GALNT17: variants seen among roughly 807,000 people sequenced by gnomAD.
The protein encoded by GALNT17 is UDP-GalNAc:polypeptide N-acetylgalactosaminyltransferase-like 3.
Under a neutral mutation model 63.7 loss-of-function variants are expected in GALNT17, and 29 were observed. That is an observed-to-expected ratio of 0.46 (90% CI 0.34 to 0.62). The LOEUF (loss-of-function observed/expected upper bound fraction) is 0.62. Ranked by LOEUF, GALNT17 falls within the 20% of genes least tolerant of loss-of-function variation. GALNT17 has a pLI of 0.01. For missense variants in GALNT17, 603 were observed against 799.6 expected (o/e 0.75, Z 2.97); for synonymous variants, 305 against 318.3 (o/e 0.96, Z 0.45).
At chr7:71,485,862 A>G (rs552294007) in intron 5 of GALNT17, among the ~76,000 whole-genome samples, 7 of 152,220 alleles carry the variant, frequency 4.6e-5, no homozygotes, top group Non-Finnish European at 1.0e-4. Flanking sequence ...TGTAAGCTAT[A>G]TAGTCAGATA....
At chr7:71,158,893 G>C (rs550885150) in intron 1 of GALNT17, among the ~76,000 whole-genome samples, 14 of 151,972 alleles carry the variant, frequency 9.2e-5, no homozygotes, top group Admixed American at 8.5e-4. Context: ...ATTTTTAGTA[G>C]AGACGTGAAA....
At chr7:71,338,808 T>G (rs1791958306) in intron 2 of GALNT17, among the ~76,000 whole-genome samples, 1 of 152,176 alleles carries the variant, frequency 6.6e-6, no homozygotes, top group African/African-American at 2.4e-5. Flanking sequence ...ACAAATCAGT[T>G]AAGTGTCTTG....
chr7:71,381,724 A>C (rs1279183235), intron 2 of GALNT17, among the ~76,000 whole-genome samples: 1 of 152,164 alleles, frequency 6.6e-6, no homozygotes, highest in African/African-American at 2.4e-5. Flanking sequence ...GGTTGCAGTG[A>C]GCTGAGATCA....
intron 7 of GALNT17, 139 bp from the exon 8 acceptor site, chr7:71,669,833 T>A: frequency 9.5e-7 from 1 of 1,050,794 alleles, no homozygotes; most frequent in Non-Finnish European, 1.4e-6. Context: ...AGTGCTGGGA[T>A]TACAGGCATG....
intron 6 of GALNT17, among the ~76,000 whole-genome samples, chr7:71,648,335 A>G (rs531409521): frequency 1.3e-5 from 2 of 151,798 alleles, no homozygotes; most frequent in East Asian, 1.9e-4. Context: ...CAGTGGCTCA[A>G]TCACAGCTCA....
At chr7:71,204,544 T>A (rs1455066071) in intron 1 of GALNT17, among the ~76,000 whole-genome samples, 1 of 151,342 alleles carries the variant, frequency 6.6e-6, no homozygotes, top group East Asian at 2.0e-4. Flanking sequence ...GAGTATCTTT[T>A]CTCTTCTCTT....
intron 1 of GALNT17, among the ~76,000 whole-genome samples, chr7:71,329,633 C>G (rs1280615443): frequency 1.3e-5 from 2 of 151,970 alleles, no homozygotes; most frequent in Non-Finnish European, 2.9e-5. Context: ...CAGGCACAAT[C>G]TTCACATGGA....
chr7:71,554,030 T>C (rs1365484759), intron 5 of GALNT17, among the ~76,000 whole-genome samples: 1 of 152,202 alleles, frequency 6.6e-6, no homozygotes, highest in Admixed American at 6.5e-5. Flanking sequence ...GTCCCTTCTG[T>C]ATTCATAGCC....
intron 2 of GALNT17, among the ~76,000 whole-genome samples, chr7:71,371,912 G>A (rs2116277050): frequency 6.6e-6 from 1 of 152,206 alleles, no homozygotes; most frequent in Non-Finnish European, 1.5e-5. Context: ...GTGGCCTCTT[G>A]GTTCTGTTGC....
At chr7:71,228,723 C>G (rs60605389) in intron 1 of GALNT17, among the ~76,000 whole-genome samples, 14,204 of 152,168 alleles carry the variant, frequency 0.093, 972 homozygotes, top group East Asian at 0.23. Flanking sequence ...ATTGAACTTC[C>G]CCTGCCTCCT....
At chr7:71,182,890 CAAAAG>C (rs1286077584) in intron 1 of GALNT17, among the ~76,000 whole-genome samples, 1 of 152,160 alleles carries the variant, frequency 6.6e-6, no homozygotes, top group African/African-American at 2.4e-5. Flanking sequence ...TGTTTGGACT[CAAAAG>C]AAAAGAATCT....
rs527924296 is a variant in GALNT17, at chr7:71,497,143, T to G, written c.963-74142T>G. On this transcript the variant is annotated intron_variant, in intron 5 of 10. Coordinates refer to ENST00000333538, the MANE Select transcript of GALNT17 (RefSeq NM_022479.3). ...TAGGAAATTTGTCTAGGGAGGGAGA[T>G]GTGGGTCCTCATCCTCTAACTGGGA... 2.8e-4 allele frequency among the ~76,000 whole-genome samples: 43 copies of G among 152,242 alleles called. 1 individual carries two copies. In the South Asian group the frequency reaches 8.9e-3, roughly 32 times the overall value.
rs1027495953 is a variant in GALNT17, at chr7:71,185,274, C to T, written c.238+52234C>T. Among the ~76,000 whole-genome samples the T allele has an allele frequency of 3.3e-5, 5 of 150,948 alleles. No individual in the cohort carries two copies. In the South Asian group the frequency reaches 6.4e-4, roughly 19 times the overall value. ...AGGCTGGAGTACAATGGTCTCATCA[C>T]GGCTCACTGCAGCCTTGACTTCTCG... On this transcript the variant is annotated intron_variant, in intron 1 of 10. Coordinates refer to ENST00000333538, the MANE Select transcript of GALNT17 (RefSeq NM_022479.3).
chr7:71,622,624 G>A (rs967482600), intron 6 of GALNT17, among the ~76,000 whole-genome samples: 1 of 152,102 alleles, frequency 6.6e-6, no homozygotes, highest in African/African-American at 2.4e-5. Flanking sequence ...GGACACAACA[G>A]CTCTCATGAG....
intron 5 of GALNT17, among the ~76,000 whole-genome samples, chr7:71,459,472 A>G (rs867743631): frequency 6.6e-6 from 1 of 152,152 alleles, no homozygotes; most frequent in African/African-American, 2.4e-5. Context: ...CTAAGCTCTA[A>G]TTTTTTCTTG....
intron 1 of GALNT17, among the ~76,000 whole-genome samples, chr7:71,201,241 T>TTATATATATATATATATATATATATATA (rs760770848): frequency 7.2e-5 from 10 of 138,380 alleles, no homozygotes; most frequent in African/African-American, 2.3e-4. Flanking sequence ...GTGTTTATTT[T>TTATATATATATATATATATATATATATA]TATATATATA....
intron 8 of GALNT17, among the ~76,000 whole-genome samples, chr7:71,673,412 A>C (rs2117060583): frequency 6.6e-6 from 1 of 152,290 alleles, no homozygotes; most frequent in African/African-American, 2.4e-5. Flanking sequence ...AGAGGAAAAA[A>C]CTCAGGATGA....
chr7:71,426,015 A>G (rs1563083602), intron 5 of GALNT17, among the ~76,000 whole-genome samples: 1 of 152,148 alleles, frequency 6.6e-6, no homozygotes. Flanking sequence ...ACACTTGTAA[A>G]CAACCAGATC....
rs531018305 is a variant in GALNT17 at position 71,133,127 on chromosome 7, G to C, written c.238+87G>C. 5.7e-5 allele frequency: 69 copies of C among 1,205,794 alleles called. No individual in the cohort carries two copies. In the South Asian group the frequency reaches 1.0e-3, roughly 18 times the overall value. The allele number at this position is 1,205,794 out of a possible 1,614,324, so 74.7% of individuals were successfully genotyped here. ...CCAGGGTCCTTGCGCGCTGCGCCCT[G>C]TGCCTGGGAGCCGGCACACCCTGGC... On this transcript the variant is annotated intron_variant, in intron 1 of 10. Transcript: ENST00000333538.
Sources: gnomAD v4.1 joint callset for allele counts (sites outside exome capture counted in the v4.1 genomes callset) on GRCh38, gnomAD v4.1.1 for gene constraint, MANE v1.5 for transcripts, NCBI Gene and HGNC (gene_info 2026-07-23, HGNC 2026-07-21) for gene names.